The following SASS6 variants were observed in gnomAD, a reference collection of about 807,000 sequenced individuals.
The protein encoded by SASS6 is SAS-6 centriolar assembly protein, also known as spindle assembly abnormal protein 6 homolog.
A neutral mutation model predicts 94.9 loss-of-function variants in SASS6; 59 were observed. The observed-to-expected ratio is 0.62, with a 90% CI of 0.50 to 0.77. SASS6 has a LOEUF of 0.77. SASS6 is among the 30% of genes least tolerant of loss of function. The pLI is 0.00. For synonymous variants in SASS6, 264 were observed against 270.0 expected (o/e 0.98, Z 0.22); for missense variants, 698 against 734.1 (o/e 0.95, Z 0.57).
At chr1:100,102,409 G>A (rs749912026) in intron 14 of SASS6, among the ~76,000 whole-genome samples, 4 of 152,132 alleles carry the variant, frequency 2.6e-5, no homozygotes, top group Non-Finnish European at 4.4e-5. Context: ...GGGCGTGGTG[G>A]CTCAGGCCTG....
At chr1:100,113,577 T>A (rs184048398) in intron 7 of SASS6, among the ~76,000 whole-genome samples, 2 of 148,112 alleles carry the variant, frequency 1.4e-5, no homozygotes, top group Non-Finnish European at 3.0e-5. Context: ...GTTGAGATCA[T>A]GCCACTGCAC....
chr1:100,129,209 C>T (rs936708077), intron 1 of SASS6, among the ~76,000 whole-genome samples: 13 of 151,776 alleles, frequency 8.6e-5, no homozygotes, highest in African/African-American at 3.1e-4. Flanking sequence ...AACACTCTAG[C>T]CTGGGCAACA....
In SASS6 at chr1:100,107,898, T is replaced by A; in HGVS notation, c.968A>T (p.Lys323Ile). Residue 323 changes from lysine (K) to isoleucine (I), a missense_variant, in exon 9 of 17, where the codon AAA becomes ATA. By Grantham distance (102) the Lys-to-Ile change is moderately radical. Coordinates refer to ENST00000287482, the MANE Select transcript of SASS6 (RefSeq NM_194292.3). ...KEKHVNQLQT[K>I]VAVLEQEIKD... ...GATTTCCTGTTCTAAAACTGCCACT[T>A]TTGTTTGTAGCTGATTAACGTGCTT... 1 of 1,612,744 alleles carries A rather than the reference T, an allele frequency of 6.2e-7. No individual in the cohort carries two copies. Among genetic ancestry groups the A allele is most frequent in the Non-Finnish European group, 8.5e-7 (1 of 1,178,888 alleles).
chr1:100,122,549 CTTTTTTTTTT>C (rs71075469), intron 3 of SASS6, 65 bp from the exon 4 acceptor site: 5 of 224,096 alleles, frequency 2.2e-5, no homozygotes, highest in Non-Finnish European at 3.1e-5. Context: ...GTTTTGGTGC[CTTTTTTTTTT>C]TTTTTTTTTT....
intron 7 of SASS6, 72 bp downstream of exon 7, chr1:100,118,946 A>G: frequency 4.4e-6 from 5 of 1,140,178 alleles, no homozygotes; most frequent in Non-Finnish European, 6.1e-6. Context: ...GCAAGCATAT[A>G]TTACTTTTAA....
At chr1:100,105,145 T>C (rs1040937274) in intron 13 of SASS6, among the ~76,000 whole-genome samples, 3 of 152,196 alleles carry the variant, frequency 2.0e-5, no homozygotes, top group Non-Finnish European at 4.4e-5. Flanking sequence ...CCTAAATGTT[T>C]TACGTTATGT....
rs973526835 is a variant in SASS6 at position 100,083,659 on chromosome 1, A to G, written c.*1669T>C. 2.0e-5 allele frequency: 3 copies of G among 152,088 alleles called. No homozygotes were observed. Among genetic ancestry groups the G allele is most frequent in the African/African-American group, 7.2e-5 (3 of 41,440 alleles). The allele number at this position is 152,088 out of a possible 1,614,324, so 9.4% of individuals were successfully genotyped here. ...CTTTTTGATTATTAACACATGTACA[A>G]TTTTACACTGCAAAACAATTGCAAC... On this transcript the variant is annotated 3_prime_UTR_variant, in exon 17 of 17. Coordinates refer to ENST00000287482, the MANE Select transcript of SASS6 (RefSeq NM_194292.3).
chr1:100,112,008 TTATA>T (rs1653372307), intron 7 of SASS6, among the ~76,000 whole-genome samples: 1 of 152,134 alleles, frequency 6.6e-6, no homozygotes, highest in Non-Finnish European at 1.5e-5. Context: ...AGAACTAGCA[TTATA>T]AAGTTCACAT....
intron 1 of SASS6, among the ~76,000 whole-genome samples, chr1:100,128,268 C>T (rs1333756384): frequency 1.3e-5 from 2 of 152,266 alleles, no homozygotes; most frequent in South Asian, 2.1e-4. Flanking sequence ...AACTCCTGAC[C>T]TCAAGTGATC....
At chr1:100,116,588 T>A (rs756707374) in intron 7 of SASS6, among the ~76,000 whole-genome samples, 127 of 152,270 alleles carry the variant, frequency 8.3e-4, no homozygotes, top group Non-Finnish European at 1.6e-3. Flanking sequence ...ACAAGAATGT[T>A]AATAGCAGTT....
At chr1:100,109,427 TAATCAATGC>T (rs1259749659) in intron 8 of SASS6, among the ~76,000 whole-genome samples, 1 of 152,016 alleles carries the variant, frequency 6.6e-6, no homozygotes, top group Non-Finnish European at 1.5e-5. Flanking sequence ...AAGAAGCCTG[TAATCAATGC>T]CAAAGCAACA....
At chr1:100,105,524 C>CT (rs1463876888) in intron 13 of SASS6, among the ~76,000 whole-genome samples, 1 of 151,330 alleles carries the variant, frequency 6.6e-6, no homozygotes, top group African/African-American at 2.4e-5. Context: ...GAGACTCCAT[C>CT]TCAAAAAAAA....
At chr1:100,110,668 G>A (rs1271752165) in intron 7 of SASS6, among the ~76,000 whole-genome samples, 185 bp from the exon 8 acceptor site, 4 of 151,312 alleles carry the variant, frequency 2.6e-5, no homozygotes, top group Non-Finnish European at 5.9e-5. Flanking sequence ...TGAATTTCAT[G>A]ACGGAGAAAG....
chr1:100,113,988 T>A (rs1653595362), intron 7 of SASS6, among the ~76,000 whole-genome samples: 1 of 150,484 alleles, frequency 6.6e-6, no homozygotes, highest in Non-Finnish European at 1.5e-5. Context: ...TAGCAACACC[T>A]CATCTTCAAA....
At chr1:100,097,481 G>A (rs1369727104) in intron 14 of SASS6, among the ~76,000 whole-genome samples, 1 of 152,138 alleles carries the variant, frequency 6.6e-6, no homozygotes, top group Non-Finnish European at 1.5e-5. Flanking sequence ...AAGAACTACT[G>A]ACACACATTA....
chr1:100,098,121 T>C (rs1652230741), intron 14 of SASS6, among the ~76,000 whole-genome samples: 1 of 152,138 alleles, frequency 6.6e-6, no homozygotes, highest in Non-Finnish European at 1.5e-5. Flanking sequence ...AACCTTTAAA[T>C]TTTTAAAAAG....
intron 15 of SASS6, among the ~76,000 whole-genome samples, chr1:100,087,258 C>T (rs1181318548): frequency 6.6e-6 from 1 of 152,232 alleles, no homozygotes; most frequent in Non-Finnish European, 1.5e-5. Flanking sequence ...GTTGGGATTA[C>T]AGGCATGAGC....
chr1:100,107,804 G>A lies in SASS6; in HGVS notation c.1056+6C>T. The A allele has an allele frequency of 6.3e-7, 1 of 1,593,070 alleles. No individual in the cohort carries two copies. Among genetic ancestry groups the A allele is most frequent in the Non-Finnish European group, 8.6e-7 (1 of 1,165,038 alleles). The stretch of plus-strand genomic sequence containing the variant: ...ATCAATTTCTGAGAAAAATTTAAAA[G>A]TAGACCTTTTGTTCCTGGATTGTAT... On this transcript the variant is annotated splice_donor_region_variant and intron_variant, in intron 9 of 16. Transcript: ENST00000287482.
chr1:100,123,369 CCAA>C (rs1283074893), intron 2 of SASS6, 80 bp from the exon 3 acceptor site: 18 of 680,224 alleles, frequency 2.6e-5, no homozygotes, highest in Admixed American at 2.4e-4. Flanking sequence ...GTAAAGAAAT[CCAA>C]CAACATCAGT....
Sources: allele counts gnomAD v4.1 joint callset (sites outside exome capture counted in the v4.1 genomes callset), GRCh38; gene constraint gnomAD v4.1.1; transcripts MANE v1.5; gene names NCBI Gene and HGNC (gene_info 2026-07-23, HGNC 2026-07-21).